The following SCGB2A1 variants were observed in gnomAD, a reference collection of about 807,000 sequenced individuals.
SCGB2A1 encodes the protein mammaglobin-B.
In SCGB2A1, 6 loss-of-function variants were observed where a neutral mutation model predicts 9.2. The ratio of observed to expected loss-of-function variants is 0.66; its 90% CI spans 0.36 to 1.29. SCGB2A1 has a LOEUF of 1.29. SCGB2A1 is among the 50% of genes most tolerant of loss of function. SCGB2A1 has a pLI of 0.03. For synonymous variants in SCGB2A1, 37 were observed against 41.0 expected, an observed-to-expected ratio of 0.90 and a Z score of 0.37; for missense variants, 138 against 116.9, an observed-to-expected ratio of 1.18 and a Z score of -0.83.
rs1336913435 is a variant in SCGB2A1, at chr11:62,213,888, C to T, written c.*118C>T. 9.8e-6 allele frequency: 7 copies of T among 711,564 alleles called. No homozygotes were observed. Among genetic ancestry groups the T allele is most frequent in the African/African-American group, 1.8e-5 (1 of 55,304 alleles). 44.1% of individuals were successfully genotyped at this position (711,564 alleles called of 1,614,324 possible). A position where few individuals can be genotyped will look rare whatever the true frequency, so the allele number is the denominator to read the frequency against. Reference sequence around the variant, plus strand: ...TTTTTATGTGGAAACTGCTAGACAACTGTTGAAACCTCAAATTCATTTCCA... The same window carrying T: ...TTTTTATGTGGAAACTGCTAGACAATTGTTGAAACCTCAAATTCATTTCCA... On this transcript the variant is annotated 3_prime_UTR_variant, in exon 3 of 3. Transcript: ENST00000244930.
intron 2 of SCGB2A1, among the ~76,000 whole-genome samples, chr11:62,213,012 G>GTA (rs140305986): frequency 3.5e-4 from 48 of 139,036 alleles, no homozygotes; most frequent in African/African-American, 1.3e-3. Context: ...ACACATATAT[G>GTA]CACATATATA....
chr11:62,208,781 A>C lies in SCGB2A1; in HGVS notation c.50A>C (p.Tyr17Ser). 1.2e-6 allele frequency: 2 copies of C among 1,613,114 alleles called. No homozygotes were observed. Among genetic ancestry groups the C allele is most frequent in the Non-Finnish European group, 1.7e-6 (2 of 1,179,732 alleles). The change falls in exon 1 of 3, where the codon TAT becomes TCT. Residue 17 changes from tyrosine to serine, a missense_variant. Transcript: ENST00000244930. The stretch of plus-strand genomic sequence containing the variant: ...CTGGCGGCCCTCCTCCTGCACTGCT[A>C]TGCAGGTGAGTTCTGGGCAGAGAGG... ...LMLAALLLHCYADSGCKLLED... is the reference protein window; with the variant it reads ...LMLAALLLHCSADSGCKLLED...
chr11:62,210,240 G>GTTTACA (rs1944817724), intron 1 of SCGB2A1, among the ~76,000 whole-genome samples, 173 bp from the exon 2 acceptor site: 1 of 152,158 alleles, frequency 6.6e-6, no homozygotes, highest in Non-Finnish European at 1.5e-5. Flanking sequence ...CAGAGCCTGA[G>GTTTACA]TTTACACTCC....
chr11:62,212,980 G>GTACACACACATGTACA (rs1565121330), intron 2 of SCGB2A1, among the ~76,000 whole-genome samples: 1 of 137,680 alleles, frequency 7.3e-6, no homozygotes, highest in African/African-American at 2.9e-5. Flanking sequence ...ACATATATGT[G>GTACACACACATGTACA]CACATATACA....
chr11:62,213,049 T>TAC lies in SCGB2A1; in HGVS notation c.244-673_244-672dup, dbSNP rs1206449537. On this transcript the variant is annotated intron_variant, in intron 2 of 2. Coordinates refer to ENST00000244930, the MANE Select transcript of SCGB2A1 (RefSeq NM_002407.3). ...ATATATACACACATATATACATATA[T>TAC]ACACATATATACACATATATACATA... Among the ~76,000 whole-genome samples the TAC allele has an allele frequency of 5.0e-3, 382 of 76,960 alleles. 5 individuals are homozygous for TAC. Among genetic ancestry groups the TAC allele is most frequent in the African/African-American group, 0.015 (354 of 23,240 alleles). The allele number at this position is 76,960 out of a possible 152,430, so 50.5% of individuals were successfully genotyped here. A position where few individuals can be genotyped will look rare whatever the true frequency, so the allele number is the denominator to read the frequency against.
chr11:62,209,869 C>A (rs1474873638), intron 1 of SCGB2A1, among the ~76,000 whole-genome samples: 2 of 152,098 alleles, frequency 1.3e-5, no homozygotes, highest in Admixed American at 1.3e-4. Flanking sequence ...GAGATGAGGT[C>A]TCCCTGTGTT....
Position 62,210,471 on chromosome 11 carries a change from T to C in SCGB2A1, c.114T>C (p.Ser38=), listed in dbSNP as rs1401622366. The change falls in exon 2 of 3, where the codon TCT becomes TCC. Residue 38 remains serine (S), a synonymous_variant. Transcript: ENST00000244930. ...AAAAGACCATCAATTCCGACATATC[T>C]ATACCTGAATACAAAGAGCTTCTTC... ...MVEKTINSDI[S]IPEYKELLQE... 6.3e-7 allele frequency: 1 copy of C among 1,583,624 alleles called. No individual in the cohort carries two copies. Among genetic ancestry groups the C allele is most frequent in the South Asian group, 1.2e-5 (1 of 83,922 alleles).
intron 2 of SCGB2A1, among the ~76,000 whole-genome samples, chr11:62,212,597 C>T (rs560269130): frequency 9.0e-4 from 136 of 151,946 alleles, no homozygotes; most frequent in African/African-American, 3.0e-3. Flanking sequence ...ATAGTGCCAC[C>T]GCACTCCAGC....
In SCGB2A1 at chr11:62,212,917, T is replaced by TAC. The variant is rs545821627; in HGVS notation, c.244-799_244-798dup. 9.6e-3 allele frequency among the ~76,000 whole-genome samples: 1,386 copies of TAC among 143,702 alleles called. 32 individuals carry two copies. The highest frequency in any genetic ancestry group is 0.036 in the African/African-American group (1,257 of 35,400). The allele number at this position is 143,702 out of a possible 152,430, so 94.3% of individuals were successfully genotyped here. ...CACCTGGCATATATATACATATATA[T>TAC]ACACACACACATATATACACACATA... On this transcript the variant is annotated intron_variant, in intron 2 of 2. Coordinates refer to ENST00000244930, the MANE Select transcript of SCGB2A1 (RefSeq NM_002407.3).
rs1223950588 is a variant in SCGB2A1 at position 62,210,437 on chromosome 11, A to G, written c.80A>G (p.Asp27Gly). The change falls in exon 2 of 3, where the codon GAC (aspartate) becomes GGC (glycine). Residue 27 changes from aspartate to glycine, a missense_variant. Physicochemically the swap from Asp to Gly is moderately conservative, Grantham distance 94. Coordinates refer to ENST00000244930, the MANE Select transcript of SCGB2A1 (RefSeq NM_002407.3). ...GATTCTGGCTGCAAACTCCTGGAGG[A>G]CATGGTTGAAAAGACCATCAATTCC... is the stretch of plus-strand genomic sequence containing the variant. ...YADSGCKLLE[D>G]MVEKTINSDI... 1.9e-6 allele frequency: 3 copies of G among 1,544,840 alleles called. No homozygotes were observed. The South Asian group carries it at 3.8e-5, about 20-fold the overall frequency.
rs562709225 is a variant in SCGB2A1, at chr11:62,208,879, C to T, written c.55+93C>T. 2.4e-5 allele frequency: 32 copies of T among 1,320,010 alleles called. No individual in the cohort carries two copies. The Admixed American group carries it at 3.9e-4, about 16-fold the overall frequency. 81.8% of individuals were successfully genotyped at this position (1,320,010 alleles called of 1,614,324 possible). A position where few individuals can be genotyped will look rare whatever the true frequency, so the allele number is the denominator to read the frequency against. On this transcript the variant is annotated intron_variant, in intron 1 of 2. Coordinates refer to ENST00000244930, the MANE Select transcript of SCGB2A1 (RefSeq NM_002407.3). Reference sequence around the variant, plus strand: ...CCCAACCTCTAATCCCCAGCACAGACGAGCCCCAGTGTGAAGGGCCTGGGT... The same window carrying T: ...CCCAACCTCTAATCCCCAGCACAGATGAGCCCCAGTGTGAAGGGCCTGGGT...
In SCGB2A1 at chr11:62,208,761, G is replaced by C. The variant is rs752735999; in HGVS notation, c.30G>C (p.Ala10=). The change falls in exon 1 of 3, where the codon GCG becomes GCC. Residue 10 remains alanine, a synonymous_variant. Transcript: ENST00000244930. MKLLMVLML[A]ALLLHCYADS... The stretch of plus-strand genomic sequence containing the variant: ...AGCTGCTGATGGTCCTCATGCTGGC[G>C]GCCCTCCTCCTGCACTGCTATGCAG... 3.8e-5 allele frequency: 62 copies of C among 1,613,392 alleles called. No individual in the cohort carries two copies. Among genetic ancestry groups the C allele is most frequent in the Non-Finnish European group, 5.2e-5 (61 of 1,179,912 alleles).
At chr11:62,209,635 A>ATATGTGTGTG (rs1266210090) in intron 1 of SCGB2A1, among the ~76,000 whole-genome samples, 2 of 142,202 alleles carry the variant, frequency 1.4e-5, no homozygotes, top group South Asian at 4.9e-4. Flanking sequence ...TTTCACATTC[A>ATATGTGTGTG]TGTGTGTGTG....
chr11:62,209,635 ATGTGTGTGTGTGTGTGTGTG>A (rs60357410), intron 1 of SCGB2A1, among the ~76,000 whole-genome samples: 12 of 142,104 alleles, frequency 8.4e-5, no homozygotes, highest in Non-Finnish European at 1.1e-4. Flanking sequence ...TTTCACATTC[ATGTGTGTGTGTGTGTGTGTG>A]TGTGTGTGTG....
rs1407930053 is a variant in SCGB2A1, at chr11:62,208,696, C to T, written c.-36C>T. On this transcript the variant is annotated 5_prime_UTR_variant, in exon 1 of 3. Coordinates refer to ENST00000244930, the MANE Select transcript of SCGB2A1 (RefSeq NM_002407.3). ...CCACAGCAACTTCCTTGATCCCTGC[C>T]ACGCACGACTGAACACAGACAGCAG... 6.2e-7 allele frequency: 1 copy of T among 1,610,514 alleles called. No individual in the cohort carries two copies. Among genetic ancestry groups the T allele is most frequent in the African/African-American group, 1.3e-5 (1 of 74,848 alleles).
At chr11:62,211,416 T>C (rs1185952230) in intron 2 of SCGB2A1, among the ~76,000 whole-genome samples, 1 of 152,172 alleles carries the variant, frequency 6.6e-6, no homozygotes, top group African/African-American at 2.4e-5. Context: ...AAAAATTTTT[T>C]TGAGATGGAG....
chr11:62,210,466 A>G lies in SCGB2A1; in HGVS notation c.109A>G (p.Ile37Val), dbSNP rs1425192811. ...DMVEKTINSD[I>V]SIPEYKELLQ... ...GGTTGAAAAGACCATCAATTCCGAC[A>G]TATCTATACCTGAATACAAAGAGCT... is the stretch of plus-strand genomic sequence containing the variant. Residue 37 changes from isoleucine (I) to valine (V), a missense_variant, in exon 2 of 3, where the codon ATA (isoleucine) becomes GTA (valine). By Grantham distance (29) the Ile-to-Val change is conservative (BLOSUM62 3). Transcript: ENST00000244930. 2 of 1,583,832 alleles carry G rather than the reference A, an allele frequency of 1.3e-6. No homozygotes were observed. Among genetic ancestry groups the G allele is most frequent in the Non-Finnish European group, 1.7e-6 (2 of 1,170,072 alleles).
At position 62,213,749 on chromosome 11, in the gene SCGB2A1, G is replaced by C; in HGVS notation, c.267G>C (p.Trp89Cys). 6.2e-7 allele frequency: 1 copy of C among 1,614,006 alleles called. No homozygotes were observed. Among genetic ancestry groups the C allele is most frequent in the Non-Finnish European group, 8.5e-7 (1 of 1,179,948 alleles). Residue 89 changes from tryptophan (W) to cysteine (C), a missense_variant, in exon 3 of 3, where the codon TGG (tryptophan) becomes TGC (cysteine). Transcript: ENST00000244930. ...LMMHTVYDSI[W>C]CNMKSN ...AGCATACAGTGTACGACAGCATTTGGTGTAATATGAAGAGTAATTAACTTT... is the reference window on the plus strand; with the variant it reads ...AGCATACAGTGTACGACAGCATTTGCTGTAATATGAAGAGTAATTAACTTT...
intron 1 of SCGB2A1, 117 bp from the exon 2 acceptor site, chr11:62,210,296 C>T (rs913262989): frequency 7.1e-6 from 9 of 1,265,072 alleles, no homozygotes; most frequent in Non-Finnish European, 9.5e-6. Context: ...TTCTGAACCT[C>T]GGTCTGTCCC....
Sources: gnomAD v4.1 joint callset for allele counts (sites outside exome capture counted in the v4.1 genomes callset) on GRCh38, gnomAD v4.1.1 for gene constraint, MANE v1.5 for transcripts, NCBI Gene and HGNC (gene_info 2026-07-23, HGNC 2026-07-21) for gene names.